The following ELMO1 variants were observed in gnomAD, a reference collection of about 807,000 sequenced individuals.
ELMO1 encodes the protein engulfment and cell motility 1.
In ELMO1, 26 loss-of-function variants were observed where a neutral mutation model predicts 98.9. The ratio of observed to expected loss-of-function variants is 0.26; its 90% confidence interval spans 0.19 to 0.36. The LOEUF is 0.36. Among genes scored for constraint, ELMO1 ranks in the 10% least tolerant of loss-of-function variants. The probability of loss-of-function intolerance (pLI) is 1.00; values close to 1 mark genes in which losing one functional copy is unlikely to be tolerated. For missense variants in ELMO1, 627 were observed against 935.2 expected (o/e 0.67, Z 4.30); for synonymous variants, 346 against 346.0 (o/e 1.00, Z 0.00).
At chr7:37,335,657 C>T (rs932951019) in intron 2 of ELMO1, among the ~76,000 whole-genome samples, 1 of 152,088 alleles carries the variant, frequency 6.6e-6, no homozygotes, top group Admixed American at 6.5e-5. Context: ...CAGGAGTGAG[C>T]GAGGGGTGCC....
intron 15 of ELMO1, among the ~76,000 whole-genome samples, chr7:37,095,862 A>G (rs1784342937): frequency 6.6e-6 from 1 of 152,172 alleles, no homozygotes; most frequent in African/African-American, 2.4e-5. Flanking sequence ...TGCTCATGTT[A>G]TTAAGCCTGT....
intron 16 of ELMO1, chr7:36,986,228 G>A (rs1415445922): frequency 2.8e-5 from 28 of 985,342 alleles, no homozygotes; most frequent in Non-Finnish European, 3.4e-5. Context: ...GCCAATCAAA[G>A]GGCGCCTCCA....
Position 36,899,869 on chromosome 7 carries a change from G to C in ELMO1, c.1438-4852C>G, listed in dbSNP as rs541391253. The stretch of plus-strand genomic sequence containing the variant: ...GCTAGTAATAATACGAAATTCACAG[G>C]GTTGTAAAATCTAAAGAAAATATTA... On this transcript the variant is annotated intron_variant, in intron 16 of 21. Transcript: ENST00000310758. Among the ~76,000 whole-genome samples the C allele has an allele frequency of 1.3e-3, 202 of 151,268 alleles. 1 individual carries two copies. Among genetic ancestry groups the C allele is most frequent in the African/African-American group, 4.3e-3 (179 of 41,324 alleles).
At chr7:37,365,346 C>A (rs1225518574) in intron 1 of ELMO1, among the ~76,000 whole-genome samples, 1 of 152,160 alleles carries the variant, frequency 6.6e-6, no homozygotes, top group Non-Finnish European at 1.5e-5. Context: ...AGAGTGGACC[C>A]AGGAGCTTCC....
intron 16 of ELMO1, among the ~76,000 whole-genome samples, chr7:37,006,744 GAGA>G (rs1484999321): frequency 6.6e-6 from 1 of 152,214 alleles, no homozygotes; most frequent in Admixed American, 6.5e-5. Flanking sequence ...TAATGCAAAA[GAGA>G]AGGAGAAATA....
chr7:37,020,856 T>C (rs939674666), intron 15 of ELMO1, among the ~76,000 whole-genome samples: 1 of 152,198 alleles, frequency 6.6e-6, no homozygotes, highest in Non-Finnish European at 1.5e-5. Context: ...AAATGGAATA[T>C]ATCATACACA....
intron 16 of ELMO1, among the ~76,000 whole-genome samples, chr7:36,965,277 C>T (rs1789319400): frequency 6.6e-6 from 1 of 152,204 alleles, no homozygotes; most frequent in South Asian, 2.1e-4. Context: ...TGTCTTTCCT[C>T]CTCACTACTG....
At chr7:37,448,258 T>G (rs1047571609) in intron 1 of ELMO1, among the ~76,000 whole-genome samples, 15 of 147,148 alleles carry the variant, frequency 1.0e-4, no homozygotes, top group Admixed American at 1.0e-3. Flanking sequence ...CAGCCCCACA[T>G]CCCCCGTCCC....
chr7:36,991,945 G>A (rs550513481), intron 16 of ELMO1, among the ~76,000 whole-genome samples: 3 of 152,282 alleles, frequency 2.0e-5, no homozygotes, highest in African/African-American at 7.2e-5. Flanking sequence ...GTCCATCTGT[G>A]GAGCACCCTG....
chr7:37,171,448 T>C (rs1790145624), intron 13 of ELMO1, among the ~76,000 whole-genome samples: 1 of 150,102 alleles, frequency 6.7e-6, no homozygotes, highest in Admixed American at 6.7e-5. Flanking sequence ...AGCTAAAAAT[T>C]ATCCATTAGT....
At chr7:37,161,012 G>A (rs1355853595) in intron 13 of ELMO1, among the ~76,000 whole-genome samples, 1 of 152,144 alleles carries the variant, frequency 6.6e-6, no homozygotes, top group Non-Finnish European at 1.5e-5. Context: ...ACACTGGAAA[G>A]TAATAGTATT....
intron 1 of ELMO1, among the ~76,000 whole-genome samples, chr7:37,427,120 G>C (rs985413763): frequency 6.6e-6 from 1 of 152,114 alleles, no homozygotes; most frequent in East Asian, 1.9e-4. Context: ...CTTTAGAAAC[G>C]AGATTCAAAT....
chr7:36,915,501 G>A (rs542355392), intron 16 of ELMO1, among the ~76,000 whole-genome samples: 10 of 152,246 alleles, frequency 6.6e-5, no homozygotes, highest in African/African-American at 2.4e-4. Flanking sequence ...CCCCATTCAG[G>A]CCTTAGAGAT....
intron 16 of ELMO1, among the ~76,000 whole-genome samples, chr7:36,987,082 G>A (rs908337069): frequency 1.3e-5 from 2 of 152,142 alleles, no homozygotes; most frequent in Admixed American, 6.5e-5. Context: ...TTACACTGGC[G>A]GCTTGTGGAA....
At chr7:37,313,850 G>A (rs765238693) in intron 4 of ELMO1, among the ~76,000 whole-genome samples, 2 of 152,122 alleles carry the variant, frequency 1.3e-5, no homozygotes, top group Admixed American at 6.5e-5. Context: ...GAGGCCACCC[G>A]ATTCTCCCTC....
At chr7:37,423,440 C>T (rs1223706450) in intron 1 of ELMO1, among the ~76,000 whole-genome samples, 5 of 152,090 alleles carry the variant, frequency 3.3e-5, no homozygotes, top group Non-Finnish European at 7.4e-5. Flanking sequence ...ATTAGCCAGG[C>T]GCAGCGGTGG....
At chr7:37,211,957 G>A (rs1041008512) in intron 12 of ELMO1, among the ~76,000 whole-genome samples, 2 of 152,106 alleles carry the variant, frequency 1.3e-5, no homozygotes, top group African/African-American at 4.8e-5. Context: ...AGAAAGAAAG[G>A]GTCAAAGGTG....
At chr7:36,943,252 A>G (rs1211139517) in intron 16 of ELMO1, among the ~76,000 whole-genome samples, 2 of 152,200 alleles carry the variant, frequency 1.3e-5, no homozygotes, top group Non-Finnish European at 2.9e-5. Flanking sequence ...CTTATCTACT[A>G]TGGTTATGCA....
At chr7:37,350,630 T>C (rs534519668) in intron 1 of ELMO1, among the ~76,000 whole-genome samples, 15 of 152,358 alleles carry the variant, frequency 9.8e-5, no homozygotes, top group African/African-American at 3.6e-4. Flanking sequence ...CTCAGGTTGA[T>C]AGAGGCCTCT....
Sources: allele counts gnomAD v4.1 joint callset (sites outside exome capture counted in the v4.1 genomes callset), GRCh38; gene constraint gnomAD v4.1.1; transcripts MANE v1.5; gene names NCBI Gene and HGNC (gene_info 2026-07-23, HGNC 2026-07-21).